The following ARL5A variants were observed in gnomAD, a reference collection of about 807,000 sequenced individuals.
ARL5A encodes ADP-ribosylation factor-like protein 5A.
In ARL5A, 18 loss-of-function variants were observed where a neutral mutation model predicts 25.9. That is an observed-to-expected ratio of 0.69 (90% CI 0.48 to 1.03). The LOEUF is 1.03. Among genes scored for constraint, ARL5A ranks in the 50% least tolerant of loss-of-function variants. The probability of loss-of-function intolerance (pLI) is 0.00; values close to 1 mark genes in which losing one functional copy is unlikely to be tolerated. For missense variants in ARL5A, 170 were observed against 211.9 expected, an observed-to-expected ratio of 0.80 and a Z score of 1.23; for synonymous variants, 61 against 67.5, an observed-to-expected ratio of 0.90 and a Z score of 0.47.
intron 2 of ARL5A, among the ~76,000 whole-genome samples, chr2:151,814,529 A>C (rs1462086773): frequency 6.6e-6 from 1 of 152,000 alleles, no homozygotes; most frequent in Non-Finnish European, 1.5e-5. Context: ...AGGAAACTTT[A>C]TAGTTTCTAC....
At chr2:151,825,884 G>C (rs1398453948) in intron 1 of ARL5A, among the ~76,000 whole-genome samples, 1 of 151,794 alleles carries the variant, frequency 6.6e-6, no homozygotes, top group Non-Finnish European at 1.5e-5. Flanking sequence ...CAGCACTTTG[G>C]GAGCCCAAGG....
chr2:151,806,784 T>C (rs1370877968), intron 5 of ARL5A, 37 bp downstream of exon 5: 5 of 1,574,776 alleles, frequency 3.2e-6, no homozygotes, highest in East Asian at 2.2e-5. Flanking sequence ...CTAAGCAAAA[T>C]AAATGTTCGA....
At chr2:151,818,727 T>G (rs368041834) in intron 1 of ARL5A, among the ~76,000 whole-genome samples, 49 of 152,346 alleles carry the variant, frequency 3.2e-4, no homozygotes, top group African/African-American at 1.2e-3. Context: ...AGCATTCCTT[T>G]TTTGATGATG....
chr2:151,811,074 G>C (rs1402618651), intron 4 of ARL5A, among the ~76,000 whole-genome samples: 1 of 151,996 alleles, frequency 6.6e-6, no homozygotes, highest in African/African-American at 2.4e-5. Flanking sequence ...ATCTCCAGGA[G>C]GTTTAAACAC....
intron 2 of ARL5A, 37 bp from the exon 3 acceptor site, chr2:151,814,353 G>A: frequency 1.4e-6 from 2 of 1,438,460 alleles, no homozygotes; most frequent in Non-Finnish European, 1.8e-6. Flanking sequence ...CAATTAGCAA[G>A]GAAGCTAACT....
chr2:151,798,921 A>C lies in ARL5A; in HGVS notation c.*4355T>G, dbSNP rs2099829045. 1 of 152,186 alleles carries C rather than the reference A, an allele frequency of 6.6e-6. No individual in the cohort carries two copies. The highest frequency in any genetic ancestry group is 2.4e-5 in the African/African-American group (1 of 41,444). 9.4% of individuals were successfully genotyped at this position (152,186 alleles called of 1,614,324 possible). On this transcript the variant is annotated 3_prime_UTR_variant, in exon 6 of 6. Transcript: ENST00000295087. Reference sequence around the variant, plus strand: ...AAGAACAGGATATCTAGCAAGCAACAGCATAAAGATTTAAACTTTAGTTTT... The same window carrying C: ...AAGAACAGGATATCTAGCAAGCAACCGCATAAAGATTTAAACTTTAGTTTT...
intron 1 of ARL5A, among the ~76,000 whole-genome samples, chr2:151,818,498 A>G: frequency 6.6e-6 from 1 of 152,140 alleles, no homozygotes; most frequent in Non-Finnish European, 1.5e-5. Context: ...GCCGGTCTCA[A>G]ACTCCTGGGC....
intron 5 of ARL5A, among the ~76,000 whole-genome samples, chr2:151,804,502 A>T (rs1287167645): frequency 6.6e-6 from 1 of 152,210 alleles, no homozygotes; most frequent in African/African-American, 2.4e-5. Context: ...AATAGAAAAA[A>T]GATGGCAATG....
At chr2:151,815,315 G>C in intron 1 of ARL5A, 116 bp from the exon 2 acceptor site, 1 of 775,776 alleles carries the variant, frequency 1.3e-6, no homozygotes, top group Non-Finnish European at 2.1e-6. Flanking sequence ...TTCAGTGCAT[G>C]GCACTTTATA....
At chr2:151,815,503 A>T (rs1275359132) in intron 1 of ARL5A, among the ~76,000 whole-genome samples, 2 of 152,246 alleles carry the variant, frequency 1.3e-5, no homozygotes, top group African/African-American at 4.8e-5. Context: ...AAAGTAGACC[A>T]AACATAATCA....
intron 5 of ARL5A, among the ~76,000 whole-genome samples, chr2:151,804,065 C>A (rs1226487989): frequency 6.6e-6 from 1 of 151,868 alleles, no homozygotes; most frequent in Non-Finnish European, 1.5e-5. Flanking sequence ...GGAAATAAAA[C>A]CATTTTATAA....
intron 4 of ARL5A, among the ~76,000 whole-genome samples, chr2:151,809,287 G>C (rs370357105): frequency 5.3e-4 from 81 of 152,216 alleles, no homozygotes; most frequent in African/African-American, 1.9e-3. Context: ...TAAGTAATCT[G>C]TATTCACTCT....
At position 151,803,323 on chromosome 2, in the gene ARL5A, A is replaced by G; in HGVS notation, c.493T>C (p.Leu165=). 6.2e-7 allele frequency: 1 copy of G among 1,611,688 alleles called. No homozygotes were observed. The highest frequency in any genetic ancestry group is 1.1e-5 in the South Asian group (1 of 91,022). Reference sequence around the variant, plus strand: ...ATCATCCATTCAAGTCCTTGGCACAATCTATAAAGAAAACAAAATCATTTG... The same window carrying G: ...ATCATCCATTCAAGTCCTTGGCACAGTCTATAAAGAAAACAAAATCATTTG... ...QACCALTGEG[L]CQGLEWMMSR... is the part of the protein sequence containing the mutation. The change falls in exon 6 of 6, where the codon TTG becomes CTG. Residue 165 remains leucine, a splice_region_variant and synonymous_variant. Coordinates refer to ENST00000295087, the MANE Select transcript of ARL5A (RefSeq NM_012097.4).
chr2:151,813,899 T>C (rs889902440), intron 3 of ARL5A, among the ~76,000 whole-genome samples: 2 of 151,984 alleles, frequency 1.3e-5, no homozygotes, highest in Non-Finnish European at 2.9e-5. Context: ...AACTATGAGA[T>C]GGAAGTCATT....
chr2:151,812,211 G>A (rs2099830937), intron 4 of ARL5A, 146 bp downstream of exon 4: 1 of 486,502 alleles, frequency 2.1e-6, no homozygotes, highest in East Asian at 3.3e-5. Context: ...ACTGGGAGAT[G>A]TCAGAGTAAT....
intron 3 of ARL5A, among the ~76,000 whole-genome samples, chr2:151,813,763 T>C (rs1470885662): frequency 6.6e-6 from 1 of 152,200 alleles, no homozygotes. Flanking sequence ...AGAAAAACAA[T>C]TATTTAATGT....
rs2099833376 is a variant in ARL5A, at chr2:151,828,296, G to T, written c.-120C>A. 1.1e-6 allele frequency: 1 copy of T among 895,780 alleles called. No homozygotes were observed. 55.5% of individuals were successfully genotyped at this position (895,780 alleles called of 1,614,324 possible). On this transcript the variant is annotated 5_prime_UTR_variant, in exon 1 of 6. Coordinates refer to ENST00000295087, the MANE Select transcript of ARL5A (RefSeq NM_012097.4). ...CGCCTCTGCTGCTGCTCCCGCGCTGGTCGCGGGCCCGCTTCCAGGGAACCG... is the reference window on the plus strand; with the variant it reads ...CGCCTCTGCTGCTGCTCCCGCGCTGTTCGCGGGCCCGCTTCCAGGGAACCG...
chr2:151,810,938 T>C (rs1278062928), intron 4 of ARL5A, among the ~76,000 whole-genome samples: 3 of 151,840 alleles, frequency 2.0e-5, no homozygotes, highest in Non-Finnish European at 2.9e-5. Flanking sequence ...AATAGGAATT[T>C]GAAAAGAAAA....
intron 4 of ARL5A, among the ~76,000 whole-genome samples, chr2:151,809,177 G>C (rs1339863507): frequency 1.3e-5 from 2 of 152,168 alleles, no homozygotes; most frequent in African/African-American, 4.8e-5. Flanking sequence ...AGTGTGTGCT[G>C]AAGTCTTATA....
Sources: gnomAD v4.1 joint callset for allele counts (sites outside exome capture counted in the v4.1 genomes callset) on GRCh38, gnomAD v4.1.1 for gene constraint, MANE v1.5 for transcripts, NCBI Gene and HGNC (gene_info 2026-07-23, HGNC 2026-07-21) for gene names.